The following NUP62 variants were observed in gnomAD, a reference collection of about 807,000 sequenced individuals.
NUP62 encodes nucleoporin 62.
For synonymous variants in NUP62, 305 were observed against 303.4 expected, an observed-to-expected ratio of 1.01 and a Z score of -0.05; for missense variants, 647 against 689.4, an observed-to-expected ratio of 0.94 and a Z score of 0.69.
chr19:49,918,210 C>A lies in NUP62; in HGVS notation c.-77-8326G>T, dbSNP rs1244019006. 2.6e-5 allele frequency among the ~76,000 whole-genome samples: 4 copies of A among 152,200 alleles called. 1 individual carries two copies. Among genetic ancestry groups the A allele is most frequent in the Admixed American group, 2.0e-4 (3 of 15,292 alleles). On this transcript the variant is annotated intron_variant, in intron 2 of 2. Transcript: ENST00000352066. ...GCCTCCCGTTAGCTGGGACTACAGG[C>A]ATACGCCGCCATGCCCAGCTAATAT...
rs2075416008 is a variant in NUP62, at chr19:49,909,770, G to A, written c.38C>T (p.Thr13Ile). Residue 13 changes from threonine to isoleucine, a missense_variant, in exon 3 of 3, where the codon ACA becomes ATA. Coordinates refer to ENST00000352066, the MANE Select transcript of NUP62 (RefSeq NM_016553.5). ...GFNFGGTGAPTGGFTFGTAKT... is the reference protein window; with the variant it reads ...GFNFGGTGAPIGGFTFGTAKT... ...TGCAGTGCCAAACGTGAACCCGCCT[G>A]TAGGGGCCCCAGTGCCTCCAAAATT... 1.9e-6 allele frequency: 3 copies of A among 1,614,178 alleles called. No individual in the cohort carries two copies. The highest frequency in any genetic ancestry group is 2.5e-6 in the Non-Finnish European group (3 of 1,180,038).
intron 2 of NUP62, among the ~76,000 whole-genome samples, chr19:49,922,795 G>A (rs1420939193): frequency 2.6e-5 from 4 of 151,974 alleles, no homozygotes; most frequent in East Asian, 1.9e-4. Context: ...CTGCGGCCCC[G>A]GTGCCTTTCA....
chr19:49,918,222 T>A (rs903666977), intron 2 of NUP62, among the ~76,000 whole-genome samples: 2 of 152,084 alleles, frequency 1.3e-5, no homozygotes, highest in African/African-American at 4.8e-5. Context: ...TACGCCGCCA[T>A]GCCCAGCTAA....
At position 49,908,696 on chromosome 19, in the gene NUP62, T is replaced by C; in HGVS notation, c.1112A>G (p.Lys371Arg). 1 of 1,612,324 alleles carries C rather than the reference T, an allele frequency of 6.2e-7. No individual in the cohort carries two copies. The highest frequency in any genetic ancestry group is 1.1e-5 in the South Asian group (1 of 91,078). The change falls in exon 3 of 3, where the codon AAG becomes AGG. Residue 371 changes from lysine to arginine, a missense_variant. By Grantham distance (26) the Lys-to-Arg change is conservative. Transcript: ENST00000352066. ...WDRTLIENGE[K>R]ITSLHREVEK... ...CACCTCGCGGTGCAGGCTGGTGATCTTTTCTCCATTCTCGATCAGCGTGCG... is the reference window on the plus strand; with the variant it reads ...CACCTCGCGGTGCAGGCTGGTGATCCTTTCTCCATTCTCGATCAGCGTGCG...
intron 2 of NUP62, among the ~76,000 whole-genome samples, chr19:49,919,956 C>T (rs1170767911): frequency 6.6e-6 from 1 of 152,122 alleles, no homozygotes; most frequent in Non-Finnish European, 1.5e-5. Context: ...AAGACAAGGT[C>T]TCACTCTGTC....
chr19:49,924,504 C>T (rs1235091191), intron 2 of NUP62, among the ~76,000 whole-genome samples: 6 of 152,160 alleles, frequency 3.9e-5, no homozygotes, highest in South Asian at 4.1e-4. Context: ...CTGCAACCAC[C>T]GCCTCACTCC....
Position 49,914,726 on chromosome 19 carries a change from G to GTTTTTTTTTTTTTTTT in NUP62, c.-77-4858_-77-4843dup, listed in dbSNP as rs530372497. On this transcript the variant is annotated intron_variant, in intron 2 of 2. Transcript: ENST00000352066. ...GATTCTTGTGCCACTCCAAGTCCCA[G>GTTTTTTTTTTTTTTTT]TTTTTTTTTTTTTTTTTTTTTTTTT... 2.3e-4 allele frequency among the ~76,000 whole-genome samples: 13 copies of GTTTTTTTTTTTTTTTT among 56,404 alleles called. 2 individuals carry two copies. Among genetic ancestry groups the GTTTTTTTTTTTTTTTT allele is most frequent in the Admixed American group, 5.6e-4 (2 of 3,586 alleles). 37.0% of individuals were successfully genotyped at this position (56,404 alleles called of 152,430 possible).
At chr19:49,914,673 T>A (rs2075572559) in intron 2 of NUP62, among the ~76,000 whole-genome samples, 1 of 148,744 alleles carries the variant, frequency 6.7e-6, no homozygotes, top group Admixed American at 6.8e-5. Flanking sequence ...CAGCCTTCGG[T>A]CAGCTCTACT....
At position 49,908,530 on chromosome 19, in the gene NUP62, C is replaced by T. The variant is rs751983023; in HGVS notation, c.1278G>A (p.Ala426=). ...EQSGTIYLQH[A]DEEREKTYKL... is the part of the protein sequence containing the mutation. The stretch of plus-strand genomic sequence containing the variant: ...TGTAGGTTTTCTCACGCTCCTCATC[C>T]GCGTGCTGCAGGTAGATGGTCCCGC... The change falls in exon 3 of 3, where the codon GCG becomes GCA. Residue 426 remains alanine (A), a synonymous_variant. Transcript: ENST00000352066. The T allele has an allele frequency of 2.4e-5, 39 of 1,614,048 alleles. No individual in the cohort carries two copies. The highest frequency in any genetic ancestry group is 1.6e-4 in the Middle Eastern group (1 of 6,084).
rs200398387 is a variant in NUP62, at chr19:49,909,471, C to T, written c.337G>A (p.Gly113Ser). Residue 113 changes from glycine (G) to serine (S), a missense_variant, in exon 3 of 3, where the codon GGC becomes AGC. Coordinates refer to ENST00000352066, the MANE Select transcript of NUP62 (RefSeq NM_016553.5). Reference protein sequence around the residue: ...AATPAMANPSGFGLGSSNLTN... With the variant: ...AATPAMANPSSFGLGSSNLTN... ...AGGTTGCTGCTGCCCAGCCCAAAGC[C>T]GCTGGGGTTTGCCATGGCTGGGGTG... is the stretch of plus-strand genomic sequence containing the variant. The T allele has an allele frequency of 4.6e-4, 747 of 1,614,140 alleles. 2 individuals are homozygous for T. The highest frequency in any genetic ancestry group is 8.3e-4 in the South Asian group (76 of 91,082).
intron 2 of NUP62, among the ~76,000 whole-genome samples, chr19:49,925,705 C>T (rs1443569667): frequency 3.3e-5 from 5 of 152,096 alleles, no homozygotes; most frequent in African/African-American, 9.7e-5. Context: ...GTAACAACTA[C>T]CAAAATCAGC....
chr19:49,922,987 A>C lies in NUP62; in HGVS notation c.-78+4707T>G, dbSNP rs547017526. Reference sequence around the variant, plus strand: ...GAGGTGACCACAGGTCGGGGGGTACAGTATCTTGTCCCAGACCACTAAGCG... The same window carrying C: ...GAGGTGACCACAGGTCGGGGGGTACCGTATCTTGTCCCAGACCACTAAGCG... On this transcript the variant is annotated intron_variant, in intron 2 of 2. Coordinates refer to ENST00000352066, the MANE Select transcript of NUP62 (RefSeq NM_016553.5). Among the ~76,000 whole-genome samples the C allele has an allele frequency of 3.9e-5, 6 of 152,240 alleles. No individual in the cohort carries two copies. In the East Asian group the frequency reaches 1.2e-3, roughly 29 times the overall value.
rs1453212742 is a variant in NUP62 at position 49,921,690 on chromosome 19, G to C, written c.-78+6004C>G. Among the ~76,000 whole-genome samples, 1 of 152,174 alleles carries C rather than the reference G, an allele frequency of 6.6e-6. No homozygotes were observed. The highest frequency in any genetic ancestry group is 1.5e-5 in the Non-Finnish European group (1 of 68,022). On this transcript the variant is annotated intron_variant, in intron 2 of 2. Coordinates refer to ENST00000352066, the MANE Select transcript of NUP62 (RefSeq NM_016553.5). This position sits in a 1 kb window ranked among gnomAD's most constrained non-coding sequence, Gnocchi z 5.4. ...GGGGGTACCCCTCTGCCCATTGAGG[G>C]GGCACCTAGGGAGCCTAGGGGTCCC...
intron 2 of NUP62, among the ~76,000 whole-genome samples, chr19:49,917,068 A>G (rs1196373443): frequency 1.3e-5 from 2 of 152,228 alleles, no homozygotes; most frequent in Non-Finnish European, 2.9e-5. Context: ...CCCTTTCCCC[A>G]TGGAATTCGT....
At chr19:49,926,616 G>T (rs918320559) in intron 2 of NUP62, among the ~76,000 whole-genome samples, 1 of 152,190 alleles carries the variant, frequency 6.6e-6, no homozygotes, top group African/African-American at 2.4e-5. Flanking sequence ...CGGCGGGGCG[G>T]GGGAGATAGG....
At chr19:49,910,446 ACTC>A (rs1369586701) in intron 2 of NUP62, among the ~76,000 whole-genome samples, 1 of 151,744 alleles carries the variant, frequency 6.6e-6, no homozygotes, top group East Asian at 1.9e-4. Flanking sequence ...GGACACTGGA[ACTC>A]CTCCTCCTAA....
intron 2 of NUP62, among the ~76,000 whole-genome samples, chr19:49,915,916 C>T (rs943609744): frequency 1.3e-5 from 2 of 152,214 alleles, no homozygotes; most frequent in East Asian, 1.9e-4. Context: ...GGAAGGCTAA[C>T]GGTGGGGATG....
chr19:49,922,380 C>G (rs1341749116), intron 2 of NUP62, among the ~76,000 whole-genome samples: 1 of 152,090 alleles, frequency 6.6e-6, no homozygotes, highest in Non-Finnish European at 1.5e-5. Flanking sequence ...CATCCTGAAC[C>G]TCAGGAAGGA....
chr19:49,915,788 T>G (rs1420116665), intron 2 of NUP62, among the ~76,000 whole-genome samples: 1 of 152,196 alleles, frequency 6.6e-6, no homozygotes, highest in East Asian at 1.9e-4. Flanking sequence ...AGACATCCCC[T>G]GGTGCTGGGG....
Sources: gnomAD v4.1 joint callset for allele counts (sites outside exome capture counted in the v4.1 genomes callset) on GRCh38, gnomAD v4.1.1 for gene constraint, Gnocchi (gnomAD v3.1) non-coding constraint, MANE v1.5 for transcripts, NCBI Gene and HGNC (gene_info 2026-07-23, HGNC 2026-07-21) for gene names.